Variants in PEX5L observed in about 807,000 individuals in gnomAD.
The protein encoded by PEX5L is PEX5-related protein.
In PEX5L, 30 loss-of-function variants were observed where a neutral mutation model predicts 84.0. That is an observed-to-expected ratio of 0.36 (90% CI 0.27 to 0.48). PEX5L has a LOEUF of 0.48. Among genes scored for constraint, PEX5L ranks in the 20% least tolerant of loss-of-function variants. PEX5L has a pLI of 0.99. For missense variants in PEX5L, 533 were observed against 754.6 expected, an observed-to-expected ratio of 0.71 and a Z score of 3.44; for synonymous variants, 270 against 283.1, an observed-to-expected ratio of 0.95 and a Z score of 0.46.
chr3:179,875,067 C>T (rs1336676589), intron 6 of PEX5L, among the ~76,000 whole-genome samples: 2 of 151,854 alleles, frequency 1.3e-5, no homozygotes, highest in Non-Finnish European at 2.9e-5. Context: ...TGTATATACA[C>T]GTATACACCT....
chr3:180,036,475 G>T, intron 1 of PEX5L, 104 bp downstream of exon 1: 1 of 1,060,348 alleles, frequency 9.4e-7, no homozygotes, highest in Non-Finnish European at 1.5e-6. Context: ...CACTTCACTT[G>T]TTGAGCTGTG....
At chr3:179,812,629 C>A (rs1326958542) in intron 10 of PEX5L, among the ~76,000 whole-genome samples, 1 of 151,996 alleles carries the variant, frequency 6.6e-6, no homozygotes, top group Non-Finnish European at 1.5e-5. Flanking sequence ...CATCTTCAAG[C>A]AGATAGCTTA....
At chr3:179,980,429 C>G (rs1786218690) in intron 1 of PEX5L, among the ~76,000 whole-genome samples, 1 of 152,100 alleles carries the variant, frequency 6.6e-6, no homozygotes, top group African/African-American at 2.4e-5. Context: ...TACTCTCACC[C>G]CTAGATTCCA....
chr3:179,950,531 T>TA (rs948789234), intron 2 of PEX5L, among the ~76,000 whole-genome samples: 36 of 151,966 alleles, frequency 2.4e-4, no homozygotes, highest in Admixed American at 1.4e-3. Flanking sequence ...TTAAAAAATG[T>TA]AAAAAAAAAT....
At chr3:179,856,499 C>G (rs1007388711) in intron 8 of PEX5L, among the ~76,000 whole-genome samples, 1 of 152,146 alleles carries the variant, frequency 6.6e-6, no homozygotes, top group Non-Finnish European at 1.5e-5. Context: ...AGGATAAATT[C>G]TATGAAGTGG....
In PEX5L at chr3:179,888,942, T is replaced by A. The variant is rs137883096; in HGVS notation, c.199-1158A>T. Among the ~76,000 whole-genome samples the A allele has an allele frequency of 5.7e-4, 86 of 151,914 alleles. No homozygotes were observed. The East Asian group carries it at 0.016, about 29-fold the overall frequency. ...ACTATGGCCGGCTAATTTTTAAAAATTTTAAATTTATTTTTATAGAGACAA... is the reference window on the plus strand; with the variant it reads ...ACTATGGCCGGCTAATTTTTAAAAAATTTAAATTTATTTTTATAGAGACAA... On this transcript the variant is annotated intron_variant, in intron 3 of 14. Coordinates refer to ENST00000467460, the MANE Select transcript of PEX5L (RefSeq NM_016559.3).
intron 8 of PEX5L, among the ~76,000 whole-genome samples, chr3:179,854,679 G>C (rs889214270): frequency 6.6e-6 from 1 of 152,128 alleles, no homozygotes; most frequent in African/African-American, 2.4e-5. Context: ...CCCATACAGA[G>C]TGATTAACAT....
intron 1 of PEX5L, among the ~76,000 whole-genome samples, chr3:180,022,335 C>T (rs1156671963): frequency 2.6e-5 from 4 of 152,128 alleles, no homozygotes; most frequent in African/African-American, 7.2e-5. Context: ...ATTTCCTCCA[C>T]AATAATTTTG....
chr3:179,939,086 T>C (rs1363937413), intron 2 of PEX5L, among the ~76,000 whole-genome samples: 1 of 152,270 alleles, frequency 6.6e-6, no homozygotes, highest in Non-Finnish European at 1.5e-5. Flanking sequence ...TTATGCCATT[T>C]GAATTCCTTT....
At chr3:179,905,189 C>T (rs1002771138) in intron 2 of PEX5L, among the ~76,000 whole-genome samples, 1 of 152,174 alleles carries the variant, frequency 6.6e-6, no homozygotes, top group African/African-American at 2.4e-5. Flanking sequence ...AATGTAACCC[C>T]TCCACCAGAC....
chr3:179,903,377 A>C (rs2109058030), intron 2 of PEX5L, among the ~76,000 whole-genome samples: 1 of 152,078 alleles, frequency 6.6e-6, no homozygotes, highest in Non-Finnish European at 1.5e-5. Context: ...GTGTGCCACC[A>C]CACTCTGCTA....
intron 14 of PEX5L, among the ~76,000 whole-genome samples, chr3:179,806,092 A>C (rs1721193287): frequency 6.6e-6 from 1 of 151,274 alleles, no homozygotes; most frequent in South Asian, 2.1e-4. Flanking sequence ...TTTTATATAT[A>C]TATATGTATT....
chr3:179,924,847 G>GA (rs1172949689), intron 2 of PEX5L, among the ~76,000 whole-genome samples: 1 of 150,702 alleles, frequency 6.6e-6, no homozygotes, highest in African/African-American at 2.4e-5. Context: ...GCACATAAGA[G>GA]AAAATTTTTT....
intron 2 of PEX5L, among the ~76,000 whole-genome samples, chr3:179,942,029 A>AC: frequency 6.6e-6 from 1 of 151,556 alleles, no homozygotes; most frequent in Non-Finnish European, 1.5e-5. Context: ...AAAAAAAAAA[A>AC]AAAAAAAGAA....
intron 2 of PEX5L, among the ~76,000 whole-genome samples, chr3:179,940,554 G>A (rs1325153965): frequency 1.3e-5 from 2 of 152,104 alleles, no homozygotes; most frequent in Non-Finnish European, 2.9e-5. Flanking sequence ...TCTGGCTACT[G>A]TTTCTTTGAA....
chr3:179,928,591 C>T (rs905681733), intron 2 of PEX5L, among the ~76,000 whole-genome samples: 25 of 152,168 alleles, frequency 1.6e-4, no homozygotes, highest in African/African-American at 6.0e-4. Context: ...CTCAACTCTC[C>T]AACTGATTCT....
At chr3:179,849,458 C>A (rs188596827) in intron 8 of PEX5L, among the ~76,000 whole-genome samples, 1 of 152,334 alleles carries the variant, frequency 6.6e-6, no homozygotes, top group Admixed American at 6.5e-5. Flanking sequence ...GAAAAAGCTG[C>A]GGCCCAAATG....
Position 179,855,475 on chromosome 3 carries a change from A to G in PEX5L, c.822+3587T>C, listed in dbSNP as rs561161520. On this transcript the variant is annotated intron_variant, in intron 8 of 14. Coordinates refer to ENST00000467460, the MANE Select transcript of PEX5L (RefSeq NM_016559.3). ...TACAACTTTCCCCTTGATTATCAAC[A>G]TAATACATCTTTATGAAAGAACATT... Among the ~76,000 whole-genome samples, 5 of 152,368 alleles carry G rather than the reference A, an allele frequency of 3.3e-5. No homozygotes were observed. In the South Asian group the frequency reaches 1.0e-3, roughly 32 times the overall value.
chr3:179,975,695 C>G (rs1785695237), intron 1 of PEX5L, among the ~76,000 whole-genome samples: 1 of 152,166 alleles, frequency 6.6e-6, no homozygotes, highest in African/African-American at 2.4e-5. Flanking sequence ...TCATGGTTGT[C>G]AGGATTCAGT....
Sources: allele counts gnomAD v4.1 joint callset (sites outside exome capture counted in the v4.1 genomes callset), GRCh38; gene constraint gnomAD v4.1.1; transcripts MANE v1.5; gene names NCBI Gene and HGNC (gene_info 2026-07-23, HGNC 2026-07-21).